Variants in SNTG1 observed in about 807,000 individuals in gnomAD.
SNTG1 encodes the protein gamma-1-syntrophin.
SNTG1 carries 39 observed loss-of-function variants against 74.7 expected under a neutral mutation model. The ratio of observed to expected loss-of-function variants is 0.52; its 90% CI spans 0.40 to 0.68. SNTG1 has a LOEUF of 0.68. Ranked by LOEUF, SNTG1 falls within the 30% of genes least tolerant of loss-of-function variation. SNTG1 has a pLI of 0.00. For synonymous variants in SNTG1, 254 were observed against 217.1 expected, an observed-to-expected ratio of 1.17 and a Z score of -1.49; for missense variants, 685 against 609.5, an observed-to-expected ratio of 1.12 and a Z score of -1.30.
rs570054477 is a variant in SNTG1, at chr8:50,279,992, A to G, written c.-28+107357A>G. Among the ~76,000 whole-genome samples, 91 of 152,328 alleles carry G rather than the reference A, an allele frequency of 6.0e-4. 2 individuals carry two copies. The South Asian group carries it at 0.019, about 31-fold the overall frequency. On this transcript the variant is annotated intron_variant, in intron 2 of 18. Coordinates refer to ENST00000642720, the MANE Select transcript of SNTG1 (RefSeq NM_018967.5). Reference sequence around the variant, plus strand: ...TTCCTTATAGATGTAAACTTCTCTTACAAAAGGGTAACTTCTACTCTGTTT... The same window carrying G: ...TTCCTTATAGATGTAAACTTCTCTTGCAAAAGGGTAACTTCTACTCTGTTT...
chr8:50,567,824 A>G (rs1352200699), intron 12 of SNTG1, among the ~76,000 whole-genome samples: 4 of 152,252 alleles, frequency 2.6e-5, no homozygotes, highest in African/African-American at 9.6e-5. Context: ...CAGTCATTAC[A>G]TTAAACATTT....
chr8:50,681,726 A>C (rs772559774), intron 15 of SNTG1, among the ~76,000 whole-genome samples: 2 of 152,342 alleles, frequency 1.3e-5, no homozygotes, highest in Non-Finnish European at 2.9e-5. Flanking sequence ...GGAATTCCCA[A>C]CCTATTTCCA....
chr8:50,725,264 T>A (rs1352667097), intron 17 of SNTG1, among the ~76,000 whole-genome samples: 1 of 152,180 alleles, frequency 6.6e-6, no homozygotes, highest in Non-Finnish European at 1.5e-5. Context: ...TGCAATCAGT[T>A]ATTCCCATGG....
At chr8:50,387,386 C>T (rs2092591979) in intron 2 of SNTG1, among the ~76,000 whole-genome samples, 1 of 152,134 alleles carries the variant, frequency 6.6e-6, no homozygotes, top group East Asian at 1.9e-4. Flanking sequence ...GTGAGGGGCT[C>T]TTGTATGATA....
At chr8:50,048,276 C>T (rs1343141236) in intron 1 of SNTG1, among the ~76,000 whole-genome samples, 1 of 151,724 alleles carries the variant, frequency 6.6e-6, no homozygotes, top group Non-Finnish European at 1.5e-5. Flanking sequence ...TGAAGATAAA[C>T]CAAGAGAAAA....
intron 1 of SNTG1, among the ~76,000 whole-genome samples, chr8:50,104,369 C>T (rs898973442): frequency 6.6e-6 from 1 of 152,158 alleles, no homozygotes; most frequent in Admixed American, 6.5e-5. Flanking sequence ...GAAGTATTCT[C>T]TGATGGTAGT....
chr8:49,933,208 G>T (rs1807752129), intron 1 of SNTG1, among the ~76,000 whole-genome samples: 1 of 152,112 alleles, frequency 6.6e-6, no homozygotes, highest in South Asian at 2.1e-4. Context: ...CAAAGTAGCT[G>T]TACATTCCCA....
chr8:49,994,980 C>T (rs1303913146), intron 1 of SNTG1, among the ~76,000 whole-genome samples: 2 of 146,030 alleles, frequency 1.4e-5, no homozygotes, highest in Non-Finnish European at 3.0e-5. Flanking sequence ...AATTGCATAG[C>T]CAAATCACCT....
chr8:50,153,895 A>T (rs2082161434), intron 1 of SNTG1, among the ~76,000 whole-genome samples: 2 of 151,984 alleles, frequency 1.3e-5, no homozygotes, highest in South Asian at 4.2e-4. Flanking sequence ...CAGATATCGA[A>T]CTCCTGCTGG....
At chr8:50,076,028 A>T (rs1487485930) in intron 1 of SNTG1, among the ~76,000 whole-genome samples, 1 of 152,220 alleles carries the variant, frequency 6.6e-6, no homozygotes, top group Non-Finnish European at 1.5e-5. Flanking sequence ...ATAACAGATC[A>T]TACAAGGTGC....
intron 1 of SNTG1, among the ~76,000 whole-genome samples, chr8:50,077,324 T>A (rs765510661): frequency 1.1e-4 from 17 of 152,304 alleles, no homozygotes; most frequent in Non-Finnish European, 1.9e-4. Context: ...ATATCTGGCA[T>A]GTAGATCATT....
intron 4 of SNTG1, among the ~76,000 whole-genome samples, chr8:50,435,471 T>C (rs930933690): frequency 3.9e-5 from 6 of 152,184 alleles, no homozygotes; most frequent in Non-Finnish European, 1.5e-5. Context: ...ATTTCTTCTT[T>C]TTATTACGTC....
At chr8:50,404,213 A>T (rs2092841501) in intron 4 of SNTG1, among the ~76,000 whole-genome samples, 1 of 152,130 alleles carries the variant, frequency 6.6e-6, no homozygotes, top group African/African-American at 2.4e-5. Context: ...GAACATATTT[A>T]ACAAAAGATG....
intron 15 of SNTG1, among the ~76,000 whole-genome samples, chr8:50,684,854 A>C (rs1457795002): frequency 1.3e-5 from 2 of 150,312 alleles, no homozygotes; most frequent in Non-Finnish European, 3.0e-5. Flanking sequence ...GTCATCTACC[A>C]TTAGGCGTAT....
intron 2 of SNTG1, among the ~76,000 whole-genome samples, chr8:50,216,429 A>G (rs1239821419): frequency 6.6e-6 from 1 of 152,142 alleles, no homozygotes; most frequent in Admixed American, 6.6e-5. Flanking sequence ...CAATAATCAC[A>G]TATTAGGTTG....
chr8:49,976,480 G>A (rs1274556112), intron 1 of SNTG1, among the ~76,000 whole-genome samples: 2 of 152,166 alleles, frequency 1.3e-5, no homozygotes, highest in Admixed American at 1.3e-4. Flanking sequence ...GAGTGTTTGT[G>A]TTTGGGAGGA....
intron 2 of SNTG1, among the ~76,000 whole-genome samples, chr8:50,250,248 T>G (rs1586841791): frequency 6.6e-6 from 1 of 151,740 alleles, no homozygotes; most frequent in East Asian, 1.9e-4. Context: ...GTAGGCATTT[T>G]GAAATAACCC....
intron 12 of SNTG1, among the ~76,000 whole-genome samples, chr8:50,589,523 T>C (rs1445413102): frequency 6.6e-6 from 1 of 151,774 alleles, no homozygotes; most frequent in Non-Finnish European, 1.5e-5. Context: ...CTTTCTATCA[T>C]GAAGTGTTTA....
chr8:50,059,371 C>T (rs1018810237), intron 1 of SNTG1, among the ~76,000 whole-genome samples: 3 of 152,042 alleles, frequency 2.0e-5, no homozygotes, highest in Non-Finnish European at 4.4e-5. Flanking sequence ...ATAACTCACT[C>T]GTTTGAAGCA....
Sources: gnomAD v4.1 joint callset for allele counts (sites outside exome capture counted in the v4.1 genomes callset) on GRCh38, gnomAD v4.1.1 for gene constraint, MANE v1.5 for transcripts, NCBI Gene and HGNC (gene_info 2026-07-23, HGNC 2026-07-21) for gene names.